Variants in OXR1 observed in about 807,000 individuals in gnomAD.
The protein encoded by OXR1 is oxidation resistance 1.
Under a neutral mutation model 104.6 loss-of-function variants are expected in OXR1, and 41 were observed. That is an observed-to-expected ratio of 0.39 (90% CI 0.31 to 0.51). OXR1 has a LOEUF of 0.51. Among genes scored for constraint, OXR1 ranks in the 20% least tolerant of loss-of-function variants. The pLI is 0.77. For synonymous variants in OXR1, 348 were observed against 348.4 expected, an observed-to-expected ratio of 1.00 and a Z score of 0.01; for missense variants, 955 against 1,031.9, an observed-to-expected ratio of 0.93 and a Z score of 1.02.
intron 3 of OXR1, among the ~76,000 whole-genome samples, chr8:106,583,056 AG>A (rs1475281851): frequency 1.3e-5 from 2 of 152,158 alleles, no homozygotes; most frequent in African/African-American, 2.4e-5. Flanking sequence ...GTTAGGAGGG[AG>A]TTTTTTTTGA....
intron 2 of OXR1, among the ~76,000 whole-genome samples, chr8:106,402,807 C>G (rs978505096): frequency 7.2e-5 from 11 of 151,818 alleles, no homozygotes; most frequent in African/African-American, 2.4e-4. Flanking sequence ...GGTCCTATTT[C>G]TTTCTTTCTT....
chr8:106,274,747 T>C (rs1314331058), intron 1 of OXR1, among the ~76,000 whole-genome samples: 2 of 152,206 alleles, frequency 1.3e-5, no homozygotes, highest in Non-Finnish European at 2.9e-5. Context: ...TCAGTTTCTC[T>C]GCTTCTATAT....
At chr8:106,653,732 A>G (rs1824820001) in intron 3 of OXR1, among the ~76,000 whole-genome samples, 1 of 152,026 alleles carries the variant, frequency 6.6e-6, no homozygotes, top group Non-Finnish European at 1.5e-5. Flanking sequence ...TTGTACTGAA[A>G]GTTCTAACCA....
chr8:106,340,481 A>G (rs947296253), intron 1 of OXR1, among the ~76,000 whole-genome samples: 4 of 152,198 alleles, frequency 2.6e-5, no homozygotes, highest in Non-Finnish European at 5.9e-5. Flanking sequence ...ATTTTCCTAG[A>G]TAGGCCTTTC....
intron 1 of OXR1, among the ~76,000 whole-genome samples, chr8:106,313,619 C>A (rs10089853): frequency 0.22 from 31,606 of 144,362 alleles, 5,264 homozygotes; most frequent in African/African-American, 0.47. Flanking sequence ...AAGAACCTAC[C>A]AATCCAATGT....
At chr8:106,494,117 G>A (rs1390926828) in intron 2 of OXR1, among the ~76,000 whole-genome samples, 1 of 152,134 alleles carries the variant, frequency 6.6e-6, no homozygotes, top group African/African-American at 2.4e-5. Flanking sequence ...GTCAACCGAG[G>A]ACAGAGGAAG....
intron 3 of OXR1, among the ~76,000 whole-genome samples, chr8:106,637,761 CTTTTTT>C (rs71307078): frequency 7.8e-6 from 1 of 128,408 alleles, no homozygotes; most frequent in African/African-American, 2.9e-5. Context: ...ATAGTTTCGA[CTTTTTT>C]TTTTTTTTTT....
intron 3 of OXR1, among the ~76,000 whole-genome samples, chr8:106,670,254 C>T (rs1040480305): frequency 6.6e-6 from 1 of 152,052 alleles, no homozygotes; most frequent in Non-Finnish European, 1.5e-5. Context: ...TAGGAAGATA[C>T]TTCAACTTCA....
intron 2 of OXR1, among the ~76,000 whole-genome samples, chr8:106,515,018 C>A (rs1316315512): frequency 6.6e-6 from 1 of 151,886 alleles, no homozygotes; most frequent in African/African-American, 2.4e-5. Flanking sequence ...AGAATATTGA[C>A]ATTTTGTATG....
chr8:106,589,694 G>A (rs2130686439), intron 3 of OXR1, among the ~76,000 whole-genome samples: 1 of 152,236 alleles, frequency 6.6e-6, no homozygotes, highest in East Asian at 1.9e-4. Context: ...TTGAGATGGA[G>A]TTTCGCTTGT....
At chr8:106,280,473 C>T (rs1158801018) in intron 1 of OXR1, among the ~76,000 whole-genome samples, 1 of 152,154 alleles carries the variant, frequency 6.6e-6, no homozygotes, top group Non-Finnish European at 1.5e-5. Context: ...AGACTCATCA[C>T]ACCACCAGTC....
chr8:106,591,336 C>T (rs2130697541), intron 3 of OXR1, among the ~76,000 whole-genome samples: 1 of 143,192 alleles, frequency 7.0e-6, no homozygotes, highest in African/African-American at 2.6e-5. Flanking sequence ...GGAGGTATAC[C>T]TAATGCTAAA....
At position 106,686,378 on chromosome 8, in the gene OXR1, G is replaced by C. The variant is rs568461580; in HGVS notation, c.525+2019G>C. Among the ~76,000 whole-genome samples the C allele has an allele frequency of 5.3e-5, 8 of 151,574 alleles. No homozygotes were observed. The South Asian group carries it at 1.2e-3, about 24-fold the overall frequency. ...TTACCTGCCATCAAAGAGATTATGG[G>C]CAATAGTTAGAAATAATTCTTACAA... is the stretch of plus-strand genomic sequence containing the variant. On this transcript the variant is annotated intron_variant, in intron 6 of 16. Transcript: ENST00000517566.
intron 3 of OXR1, among the ~76,000 whole-genome samples, chr8:106,596,636 T>C (rs1164257092): frequency 1.3e-5 from 2 of 152,120 alleles, no homozygotes; most frequent in African/African-American, 4.8e-5. Context: ...GAGTGGGCCT[T>C]GGTGACTTTT....
intron 3 of OXR1, among the ~76,000 whole-genome samples, chr8:106,560,941 G>A (rs1417278919): frequency 2.6e-5 from 4 of 152,164 alleles, no homozygotes; most frequent in African/African-American, 9.7e-5. Flanking sequence ...AAGGGAAGCT[G>A]TGAGGGACTG....
intron 3 of OXR1, among the ~76,000 whole-genome samples, chr8:106,534,671 G>C (rs900719696): frequency 5.3e-5 from 8 of 152,178 alleles, no homozygotes; most frequent in African/African-American, 1.7e-4. Context: ...GGTCAAGTTT[G>C]TTGGTCAGTT....
intron 7 of OXR1, among the ~76,000 whole-genome samples, chr8:106,700,659 G>A (rs955961890): frequency 2.6e-5 from 4 of 152,124 alleles, no homozygotes; most frequent in African/African-American, 9.7e-5. Context: ...CTAGGATTAA[G>A]GTATTAAGGT....
intron 2 of OXR1, among the ~76,000 whole-genome samples, chr8:106,485,034 G>A (rs1043395445): frequency 1.2e-4 from 15 of 129,972 alleles, no homozygotes; most frequent in Non-Finnish European, 2.5e-4. Context: ...AGATAGGGAG[G>A]AAACTTAAAT....
chr8:106,370,252 T>C (rs758633521), intron 2 of OXR1, among the ~76,000 whole-genome samples: 3 of 152,212 alleles, frequency 2.0e-5, no homozygotes, highest in Non-Finnish European at 4.4e-5. Flanking sequence ...TGGTTTTGTA[T>C]CCTGAGACTG....
Sources: gnomAD v4.1 joint callset for allele counts (sites outside exome capture counted in the v4.1 genomes callset) on GRCh38, gnomAD v4.1.1 for gene constraint, MANE v1.5 for transcripts, NCBI Gene and HGNC (gene_info 2026-07-23, HGNC 2026-07-21) for gene names.